PCDHA2: variants seen among roughly 807,000 people sequenced by gnomAD.
The protein encoded by PCDHA2 is protocadherin alpha-2.
PCDHA2 carries 58 observed loss-of-function variants against 66.0 expected under a neutral mutation model. The observed-to-expected ratio is 0.88, with a 90% CI of 0.71 to 1.09. PCDHA2 has a LOEUF of 1.09. PCDHA2 is among the 50% of genes least tolerant of loss of function. The pLI is 0.00. For missense variants in PCDHA2, 1,267 were observed against 1,242.3 expected (o/e 1.02, Z -0.30); for synonymous variants, 634 against 554.0 (o/e 1.14, Z -2.03).
At chr5:140,954,221 T>C (rs1237648662) in intron 1 of PCDHA2, among the ~76,000 whole-genome samples, 2 of 152,252 alleles carry the variant, frequency 1.3e-5, no homozygotes, top group African/African-American at 4.8e-5. Flanking sequence ...TTTTTGCTAT[T>C]GTGAATAGTG....
chr5:141,002,195 A>G (rs2098065094), intron 3 of PCDHA2, among the ~76,000 whole-genome samples: 1 of 152,244 alleles, frequency 6.6e-6, no homozygotes, highest in South Asian at 2.1e-4. Flanking sequence ...CTGGCAAGAT[A>G]GTCCCCGGCT....
intron 1 of PCDHA2, among the ~76,000 whole-genome samples, chr5:140,907,439 A>G (rs1217956706): frequency 6.6e-6 from 1 of 152,250 alleles, no homozygotes; most frequent in Admixed American, 6.5e-5. Context: ...CTGTGAGTCC[A>G]CAGATGGTAA....
rs2150217412 is a variant in PCDHA2, at chr5:140,834,416, C to T, written c.2388+37064C>T. 4.3e-6 allele frequency: 7 copies of T among 1,611,040 alleles called. No individual in the cohort carries two copies. In the East Asian group the frequency reaches 1.1e-4, roughly 26 times the overall value. The stretch of plus-strand genomic sequence containing the variant: ...GCCCGAATGGATACGACCCAGGGGG[C>T]CGACATCTACTGCTGTTTATTATAA... On this transcript the variant is annotated intron_variant, in intron 1 of 3. Transcript: ENST00000526136.
chr5:140,926,953 C>T, intron 1 of PCDHA2: 1 of 1,596,706 alleles, frequency 6.3e-7, no homozygotes, highest in Non-Finnish European at 8.6e-7. Flanking sequence ...TGCAGCGGGA[C>T]AGCTCGAGTA....
At chr5:140,805,873 A>G (rs1763643403) in intron 1 of PCDHA2, among the ~76,000 whole-genome samples, 1 of 152,198 alleles carries the variant, frequency 6.6e-6, no homozygotes, top group Non-Finnish European at 1.5e-5. Flanking sequence ...GCATTTTATT[A>G]GGCAATGGAA....
At chr5:140,989,317 C>G (rs184467267) in intron 3 of PCDHA2, among the ~76,000 whole-genome samples, 2 of 152,126 alleles carry the variant, frequency 1.3e-5, no homozygotes, top group Non-Finnish European at 2.9e-5. Context: ...TAGGGTCTCA[C>G]CAACTTTGCC....
chr5:140,861,362 C>T (rs2046877441), intron 1 of PCDHA2: 11 of 354,006 alleles, frequency 3.1e-5, no homozygotes, highest in South Asian at 2.4e-4. Context: ...ATAGCGTCTT[C>T]GCGGTCCCTA....
chr5:140,922,098 A>G (rs1193331436), intron 1 of PCDHA2, among the ~76,000 whole-genome samples: 2 of 152,176 alleles, frequency 1.3e-5, no homozygotes, highest in Non-Finnish European at 2.9e-5. Context: ...TCTACCAACT[A>G]TAGATAAATG....
intron 1 of PCDHA2, chr5:140,822,014 A>G (rs2150112935): frequency 6.2e-7 from 1 of 1,614,150 alleles, no homozygotes; most frequent in Non-Finnish European, 8.5e-7. Flanking sequence ...AATCTGCAGA[A>G]TGGCATTTTG....
At chr5:140,899,359 T>A (rs1247414230) in intron 1 of PCDHA2, among the ~76,000 whole-genome samples, 57 of 152,234 alleles carry the variant, frequency 3.7e-4, no homozygotes, top group Admixed American at 1.4e-3. Flanking sequence ...TTTTGAGATA[T>A]GTCCCATCAA....
At chr5:140,802,648 C>G in intron 1 of PCDHA2, 1 of 1,613,666 alleles carries the variant, frequency 6.2e-7, no homozygotes, top group Non-Finnish European at 8.5e-7. Context: ...GACGCGGACG[C>G]GCAGGAGAAC....
chr5:140,823,176 C>T (rs782525887), intron 1 of PCDHA2: 17 of 1,613,818 alleles, frequency 1.1e-5, no homozygotes, highest in Non-Finnish European at 1.4e-5. Context: ...AGGAGAACAA[C>T]CCGCCAGGCT....
Position 140,803,245 on chromosome 5 carries a change from C to T in PCDHA2, c.2388+5893C>T, listed in dbSNP as rs782357905. 11 of 1,613,726 alleles carry T rather than the reference C, an allele frequency of 6.8e-6. No homozygotes were observed. In the Admixed American group the frequency reaches 1.2e-4, roughly 17 times the overall value. ...GCACCCAAGGCCTCGTCCCAGGCGT[C>T]CGCTGGCGCCACGGGCCCGGAAGCT... On this transcript the variant is annotated intron_variant, in intron 1 of 3. Coordinates refer to ENST00000526136, the MANE Select transcript of PCDHA2 (RefSeq NM_018905.3).
rs782638788 is a variant in PCDHA2 at position 140,796,082 on chromosome 5, CG to C, written c.1120del (p.Val374CysfsTer16). The C allele has an allele frequency of 1.2e-6, 2 of 1,614,194 alleles. No individual in the cohort carries two copies. The highest frequency in any genetic ancestry group is 2.2e-5 in the South Asian group (2 of 91,084). ...ASLGTVIALI[T>X]VSDRDSGTNG... ...CTGGGCACTGTCATTGCTCTCATCACGGTGTCGGATCGCGACTCTGGTACGA... is the reference window on the plus strand; with the variant it reads ...CTGGGCACTGTCATTGCTCTCATCACGTGTCGGATCGCGACTCTGGTACGA... On this transcript the variant is annotated frameshift_variant, in exon 1 of 4. Coordinates refer to ENST00000526136, the MANE Select transcript of PCDHA2 (RefSeq NM_018905.3). LOFTEE classifies it high-confidence loss of function.
In PCDHA2 at chr5:140,978,014, A is replaced by C. The variant is rs939579655; in HGVS notation, c.2389-935A>C. ...AGTGTCACAAGTTTTTCACAGTGAC[A>C]TTTTTGCTTACTGATACAAGACAGT... On this transcript the variant is annotated intron_variant, in intron 1 of 3. Transcript: ENST00000526136. Among the ~76,000 whole-genome samples, 9 of 152,256 alleles carry C rather than the reference A, an allele frequency of 5.9e-5. 1 individual carries two copies. The highest frequency in any genetic ancestry group is 2.2e-4 in the African/African-American group (9 of 41,540).
At chr5:140,828,388 C>A in intron 1 of PCDHA2, 1 of 1,614,274 alleles carries the variant, frequency 6.2e-7, no homozygotes, top group Non-Finnish European at 8.5e-7. Context: ...GCGGGCGGAG[C>A]GCGGAGTGCA....
At position 140,836,457 on chromosome 5, in the gene PCDHA2, G is replaced by T. The variant is rs2150261358; in HGVS notation, c.2388+39105G>T. The stretch of plus-strand genomic sequence containing the variant: ...GTTGGGCATTGCAGGCCCAGAGACC[G>T]AGCTGGTGGATGTCAACGTGTACCT... On this transcript the variant is annotated intron_variant, in intron 1 of 3. Coordinates refer to ENST00000526136, the MANE Select transcript of PCDHA2 (RefSeq NM_018905.3). The T allele has an allele frequency of 1.5e-5, 25 of 1,613,812 alleles. No homozygotes were observed. The African/African-American group carries it at 3.1e-4, about 20-fold the overall frequency.
chr5:140,884,138 G>A (rs782798249), intron 1 of PCDHA2: 3 of 1,613,410 alleles, frequency 1.9e-6, no homozygotes, highest in South Asian at 1.1e-5. Context: ...CCCGTTCCGC[G>A]TGGGGCTGTA....
At chr5:140,809,045 A>G in intron 1 of PCDHA2, 1 of 1,613,870 alleles carries the variant, frequency 6.2e-7, no homozygotes, top group Non-Finnish European at 8.5e-7. Context: ...TGGCGCGCGC[A>G]TCCCGTTCCG....
Sources: allele counts gnomAD v4.1 joint callset (sites outside exome capture counted in the v4.1 genomes callset), GRCh38; gene constraint gnomAD v4.1.1; transcripts MANE v1.5; gene names NCBI Gene and HGNC (gene_info 2026-07-23, HGNC 2026-07-21).